The following SEMA3B variants were observed in gnomAD, a reference collection of about 807,000 sequenced individuals.
The protein encoded by SEMA3B is semaphorin-3B.
A neutral mutation model predicts 77.8 loss-of-function variants in SEMA3B; 71 were observed. The ratio of observed to expected loss-of-function variants is 0.91; its 90% CI spans 0.75 to 1.11. SEMA3B has a LOEUF of 1.11. SEMA3B is among the 50% of genes most tolerant of loss of function. SEMA3B has a pLI of 0.00. For synonymous variants in SEMA3B, 470 were observed against 452.9 expected (o/e 1.04, Z -0.48); for missense variants, 968 against 1,056.8 (o/e 0.92, Z 1.17).
rs1701188585 is a variant in SEMA3B, at chr3:50,275,105, C to T, written c.1491+52C>T. 1.8e-5 allele frequency: 27 copies of T among 1,530,802 alleles called. No homozygotes were observed. Among genetic ancestry groups the T allele is most frequent in the Non-Finnish European group, 2.2e-5 (25 of 1,136,010 alleles). The allele number at this position is 1,530,802 out of a possible 1,614,324, so 94.8% of individuals were successfully genotyped here. A position where few individuals can be genotyped will look rare whatever the true frequency, so the allele number is the denominator to read the frequency against. On this transcript the variant is annotated intron_variant, in intron 13 of 16. Coordinates refer to ENST00000616701, the MANE Select transcript of SEMA3B (RefSeq NM_001290060.2). This position sits in a 1 kb window ranked among gnomAD's most constrained non-coding sequence, Gnocchi z 7.5. Reference sequence around the variant, plus strand: ...TGGGATGGACTGAGCTTGTGCCTGGCGCGTCCCAAGCCTCTGGCCCCTTTT... The same window carrying T: ...TGGGATGGACTGAGCTTGTGCCTGGTGCGTCCCAAGCCTCTGGCCCCTTTT...
rs1233576664 is a variant in SEMA3B, at chr3:50,270,358, A to G, written c.267+74A>G. Reference sequence around the variant, plus strand: ...ACCCCACTCCAGCCTGGAGAGACCCAGAGGAATGGCTCCCTGAGGTAGAGA... The same window carrying G: ...ACCCCACTCCAGCCTGGAGAGACCCGGAGGAATGGCTCCCTGAGGTAGAGA... On this transcript the variant is annotated intron_variant, in intron 2 of 16. Coordinates refer to ENST00000616701, the MANE Select transcript of SEMA3B (RefSeq NM_001290060.2). This position sits in a 1 kb window ranked among gnomAD's most constrained non-coding sequence, Gnocchi z 4.7. 4 of 1,609,850 alleles carry G rather than the reference A, an allele frequency of 2.5e-6. No homozygotes were observed. Among genetic ancestry groups the G allele is most frequent in the Middle Eastern group, 1.6e-4 (1 of 6,062 alleles).
At chr3:50,267,565 A>ACGGCACGG (rs1258191525), upstream of SEMA3B, 1 of 151,666 alleles carries the variant, frequency 6.6e-6, no homozygotes, top group African/African-American at 2.4e-5. This position sits in a 1 kb window ranked among gnomAD's most constrained non-coding sequence, Gnocchi z 5.7. Context: ...TCTAAACTTT[A>ACGGCACGG]CGGCACGGCG....
upstream of SEMA3B, among the ~76,000 whole-genome samples, chr3:50,268,073 G>A (rs1282884957): frequency 1.3e-5 from 2 of 152,194 alleles, no homozygotes; most frequent in Admixed American, 6.5e-5. Flanking sequence ...GGTGAGAGAA[G>A]TGAAGGGAGA....
At chr3:50,272,143 A>G (rs1701070385) in intron 6 of SEMA3B, among the ~76,000 whole-genome samples, 1 of 152,124 alleles carries the variant, frequency 6.6e-6, no homozygotes, top group Non-Finnish European at 1.5e-5. Flanking sequence ...TGGCATGCAC[A>G]CACCTGTAGT....
chr3:50,273,955 C>T lies in SEMA3B; in HGVS notation c.1035C>T (p.Asn345=), dbSNP rs781880022. 3.7e-6 allele frequency: 6 copies of T among 1,613,466 alleles called. No homozygotes were observed. The highest frequency in any genetic ancestry group is 5.1e-6 in the Non-Finnish European group (6 of 1,179,646). Residue 345 remains asparagine, a synonymous_variant, in exon 10 of 17, where the codon AAC becomes AAT. Transcript: ENST00000616701. This position sits in a 1 kb window ranked among gnomAD's most constrained non-coding sequence, Gnocchi z 6.5. Reference sequence around the variant, plus strand: ...CTGCGGTGTGCGTGTACAGCATGAACGACGTGCGCCGGGCCTTCTTGGGAC... The same window carrying T: ...CTGCGGTGTGCGTGTACAGCATGAATGACGTGCGCCGGGCCTTCTTGGGAC... The part of the protein sequence containing the change: ...QGSAVCVYSM[N]DVRRAFLGPF...
rs1287935229 is a variant in SEMA3B at position 50,275,344 on chromosome 3, G to A, written c.1534G>A (p.Ala512Thr). ...CTCGCGGAGCGCGGTGGCCCAGATC[G>A]CGTTGCACCGCTGCGCTGCCCACGG... ...VASRSAVAQIALHRCAAHGRV... is the reference protein window; with the variant it reads ...VASRSAVAQITLHRCAAHGRV... The change falls in exon 14 of 17, where the codon GCG (alanine) becomes ACG (threonine). Residue 512 changes from alanine (A) to threonine (T), a missense_variant. Physicochemically the swap from Ala to Thr is moderately conservative, Grantham distance 58 (BLOSUM62 0). Transcript: ENST00000616701. The surrounding 1 kb of genome is among the most constrained non-coding windows in gnomAD (Gnocchi z 7.5). The A allele has an allele frequency of 1.9e-6, 3 of 1,581,718 alleles. No homozygotes were observed. The highest frequency in any genetic ancestry group is 4.7e-5 in the East Asian group (2 of 42,850).
chr3:50,268,752 G>A (rs1197785094), upstream of SEMA3B: 1 of 158,700 alleles, frequency 6.3e-6, no homozygotes, highest in Non-Finnish European at 1.4e-5. Context: ...GGCTTGTTTT[G>A]CTCATTGCAC....
chr3:50,271,842 C>G (rs782579913), intron 6 of SEMA3B, among the ~76,000 whole-genome samples: 11 of 150,396 alleles, frequency 7.3e-5, no homozygotes, highest in Non-Finnish European at 1.3e-4. Context: ...TAGGGATGAG[C>G]ATTCCAGGCA....
At chr3:50,271,296 G>A (rs1701041530) in intron 5 of SEMA3B, 65 bp from the exon 6 acceptor site, 1 of 1,549,656 alleles carries the variant, frequency 6.5e-7, no homozygotes, top group Admixed American at 2.0e-5. Flanking sequence ...CACTCCCAGA[G>A]CTCCCCAGGC....
In SEMA3B at chr3:50,276,365, C is replaced by T; in HGVS notation, c.1909C>T (p.Arg637Trp). 6.5e-7 allele frequency: 1 copy of T among 1,534,248 alleles called. No individual in the cohort carries two copies. ...ACTACTGCTGCGCAGGCTGCGGCGC[C>T]GGGACTCGGGCGTGTACTTGTGCGC... ...RGLLLRRLRR[R>W]DSGVYLCAAV... The change falls in exon 17 of 17, where the codon CGG becomes TGG. Residue 637 changes from arginine to tryptophan, a missense_variant. Coordinates refer to ENST00000616701, the MANE Select transcript of SEMA3B (RefSeq NM_001290060.2). This position sits in a 1 kb window ranked among gnomAD's most constrained non-coding sequence, Gnocchi z 5.8.
At position 50,273,490 on chromosome 3, in the gene SEMA3B, T is replaced by C; in HGVS notation, c.811-45T>C. On this transcript the variant is annotated intron_variant, in intron 7 of 16. Transcript: ENST00000616701. The surrounding 1 kb of genome is among the most constrained non-coding windows in gnomAD (Gnocchi z 6.5). ...CCCGGCGACCCTGCCCCTACCCCTT[T>C]GCCTGCCCTGGTCTCGCCCTCATCC... 1 of 1,609,580 alleles carries C rather than the reference T, an allele frequency of 6.2e-7. No individual in the cohort carries two copies. The highest frequency in any genetic ancestry group is 8.5e-7 in the Non-Finnish European group (1 of 1,176,770).
chr3:50,271,237 A>G (rs1224115782), intron 5 of SEMA3B, 56 bp downstream of exon 5: 3 of 1,548,240 alleles, frequency 1.9e-6, no homozygotes, highest in Non-Finnish European at 2.6e-6. Context: ...AGAACCTCAC[A>G]AAGTCCCAAG....
At chr3:50,267,267 C>T (rs1700917354), upstream of SEMA3B, 1 of 152,284 alleles carries the variant, frequency 6.6e-6, no homozygotes, top group Admixed American at 6.5e-5. This position sits in a 1 kb window ranked among gnomAD's most constrained non-coding sequence, Gnocchi z 5.7. Flanking sequence ...TTATCTTTCC[C>T]CACAGCTCCC....
Position 50,276,104 on chromosome 3 carries a change from T to G in SEMA3B, c.1846-198T>G. 2 of 792,102 alleles carry G rather than the reference T, an allele frequency of 2.5e-6. No individual in the cohort carries two copies. Among genetic ancestry groups the G allele is most frequent in the Non-Finnish European group, 3.7e-6 (2 of 537,122 alleles). The allele number at this position is 792,102 out of a possible 1,614,324, so 49.1% of individuals were successfully genotyped here. A position where few individuals can be genotyped will look rare whatever the true frequency, so the allele number is the denominator to read the frequency against. ...CTGACCACCCCCCACCAAGTTCATG[T>G]AAACCCCGCCTCTTTCGGATTCTCC... On this transcript the variant is annotated intron_variant, in intron 16 of 16. Coordinates refer to ENST00000616701, the MANE Select transcript of SEMA3B (RefSeq NM_001290060.2). This position sits in a 1 kb window ranked among gnomAD's most constrained non-coding sequence, Gnocchi z 5.8.
At chr3:50,277,546 C>CAAAAAA (rs1156412582), downstream of SEMA3B, 1 of 22,818 alleles carries the variant, frequency 4.4e-5, no homozygotes, top group African/African-American at 1.1e-4. Context: ...AGCGAGACTC[C>CAAAAAA]AAAAAAAAAA....
chr3:50,265,186 G>C (rs1004134013), upstream of SEMA3B, among the ~76,000 whole-genome samples: 3 of 152,194 alleles, frequency 2.0e-5, no homozygotes. Flanking sequence ...GGGAAGTTAG[G>C]CCTCAGGTGA....
At chr3:50,261,698 TGG>T in the SEMA3B span, 1 of 152,264 alleles carries the variant, frequency 6.6e-6, no homozygotes, top group Non-Finnish European at 1.5e-5. Context: ...TGCCAAGGCC[TGG>T]AAGAAGTCCC....
chr3:50,273,079 C>G lies in SEMA3B; in HGVS notation c.665-219C>G, dbSNP rs1701101248. The G allele has an allele frequency of 3.1e-6, 2 of 645,478 alleles. No homozygotes were observed. Among genetic ancestry groups the G allele is most frequent in the South Asian group, 4.3e-5 (2 of 46,912 alleles). 40.0% of individuals were successfully genotyped at this position (645,478 alleles called of 1,614,324 possible). On this transcript the variant is annotated intron_variant, in intron 6 of 16. Coordinates refer to ENST00000616701, the MANE Select transcript of SEMA3B (RefSeq NM_001290060.2). The surrounding 1 kb of genome is among the most constrained non-coding windows in gnomAD (Gnocchi z 6.5). ...GCCTGCGCCCCCAGGTAGCCACGGT[C>G]TCTGCTGCCCCCTCGCGGCTGCTTC...
In SEMA3B at chr3:50,273,933, C is replaced by T. The variant is rs782765148; in HGVS notation, c.1013C>T (p.Ala338Val). Residue 338 changes from alanine (A) to valine (V), a missense_variant, in exon 10 of 17, where the codon GCG (alanine) becomes GTG (valine). Transcript: ENST00000616701. This position sits in a 1 kb window ranked among gnomAD's most constrained non-coding sequence, Gnocchi z 6.5. ...TCCAGCAGCATCTTCCAGGGCTCTG[C>T]GGTGTGCGTGTACAGCATGAACGAC... ...STSSSIFQGS[A>V]VCVYSMNDVR... 5.0e-6 allele frequency: 8 copies of T among 1,611,112 alleles called. No individual in the cohort carries two copies. The highest frequency in any genetic ancestry group is 6.8e-6 in the Non-Finnish European group (8 of 1,178,042).
Sources: gnomAD v4.1 joint callset for allele counts (sites outside exome capture counted in the v4.1 genomes callset) on GRCh38, gnomAD v4.1.1 for gene constraint, Gnocchi (gnomAD v3.1) non-coding constraint, MANE v1.5 for transcripts, NCBI Gene and HGNC (gene_info 2026-07-23, HGNC 2026-07-21) for gene names.